The following GRID1 variants were observed in gnomAD, a reference collection of about 807,000 sequenced individuals.
GRID1 encodes glutamate ionotropic receptor delta type subunit 1.
In GRID1, 28 loss-of-function variants were observed where a neutral mutation model predicts 98.0. The observed-to-expected ratio is 0.29, with a 90% CI of 0.21 to 0.39. The LOEUF is 0.39. Ranked by LOEUF, GRID1 falls within the 10% of genes least tolerant of loss-of-function variation. The pLI, the probability that GRID1 is intolerant of heterozygous loss-of-function variation, is 1.00. For synonymous variants in GRID1, 553 were observed against 538.5 expected (o/e 1.03, Z -0.37); for missense variants, 1,111 against 1,340.5 (o/e 0.83, Z 2.67).
At chr10:86,185,441 T>G (rs1264003318) in intron 3 of GRID1, among the ~76,000 whole-genome samples, 1 of 152,138 alleles carries the variant, frequency 6.6e-6, no homozygotes, top group Non-Finnish European at 1.5e-5. Flanking sequence ...TTTTTTTCTT[T>G]CCAATCTGGG....
intron 3 of GRID1, among the ~76,000 whole-genome samples, chr10:86,142,307 C>T (rs576010359): frequency 9.2e-5 from 14 of 152,212 alleles, no homozygotes; most frequent in Non-Finnish European, 1.8e-4. Flanking sequence ...AGTGATAGAT[C>T]GAGGTCATTG....
intron 8 of GRID1, among the ~76,000 whole-genome samples, chr10:85,852,796 TG>T (rs1162116020): frequency 4.6e-5 from 7 of 152,056 alleles, no homozygotes; most frequent in Non-Finnish European, 1.0e-4. Flanking sequence ...CTCACAGCTT[TG>T]GGCATTCCTA....
At chr10:86,101,974 C>T (rs983503986) in intron 4 of GRID1, among the ~76,000 whole-genome samples, 2 of 152,124 alleles carry the variant, frequency 1.3e-5, no homozygotes, top group Admixed American at 6.5e-5. Flanking sequence ...TTCCAGTTTG[C>T]GGTTATTACA....
chr10:86,301,166 G>T (rs1185299543), intron 2 of GRID1, among the ~76,000 whole-genome samples: 3 of 152,134 alleles, frequency 2.0e-5, no homozygotes, highest in Non-Finnish European at 4.4e-5. Context: ...AGACAATGAG[G>T]CCGGCTCACC....
At chr10:85,852,417 C>T (rs145766402) in intron 8 of GRID1, among the ~76,000 whole-genome samples, 1,643 of 152,224 alleles carry the variant, frequency 0.011, 34 homozygotes, top group African/African-American at 0.036. Context: ...GGACATAGTG[C>T]CTCCCCCTCT....
At chr10:85,889,660 T>C (rs1037989696) in intron 5 of GRID1, among the ~76,000 whole-genome samples, 1 of 152,182 alleles carries the variant, frequency 6.6e-6, no homozygotes, top group Non-Finnish European at 1.5e-5. Flanking sequence ...TTCAGGTACT[T>C]TGGAGATGTT....
chr10:85,685,700 C>T (rs1841261559), intron 12 of GRID1, among the ~76,000 whole-genome samples: 1 of 152,038 alleles, frequency 6.6e-6, no homozygotes, highest in Non-Finnish European at 1.5e-5. Flanking sequence ...CAGAGATAGA[C>T]AGACCAAAGG....
At chr10:86,286,346 G>A (rs894717218) in intron 2 of GRID1, among the ~76,000 whole-genome samples, 2 of 152,102 alleles carry the variant, frequency 1.3e-5, no homozygotes, top group African/African-American at 2.4e-5. Flanking sequence ...CAGGAAGGAC[G>A]CCTGAGGGAG....
intron 8 of GRID1, among the ~76,000 whole-genome samples, chr10:85,752,495 G>A (rs1842057511): frequency 6.6e-6 from 1 of 152,178 alleles, no homozygotes; most frequent in South Asian, 2.1e-4. Context: ...ATTTTGACAA[G>A]TGGAGATACA....
intron 4 of GRID1, among the ~76,000 whole-genome samples, chr10:86,117,109 C>T (rs552411397): frequency 6.7e-6 from 1 of 148,496 alleles, no homozygotes; most frequent in South Asian, 2.1e-4. Context: ...ATTACCACCA[C>T]CACCATTACC....
chr10:86,349,162 C>T (rs1848429974), intron 2 of GRID1, among the ~76,000 whole-genome samples: 1 of 152,252 alleles, frequency 6.6e-6, no homozygotes, highest in African/African-American at 2.4e-5. Flanking sequence ...AGCTCCTCCC[C>T]TTCCCGGCCA....
Position 86,240,054 on chromosome 10 carries a change from G to A in GRID1, c.236-33406C>T, listed in dbSNP as rs931941168. On this transcript the variant is annotated intron_variant, in intron 2 of 15. Transcript: ENST00000327946. ...AGCCATCTACAATCTAAGGAGAGGG[G>A]CTCAGCAGAAACCAACCCTGCCAAC... Among the ~76,000 whole-genome samples the A allele has an allele frequency of 3.3e-5, 5 of 152,222 alleles. No homozygotes were observed. In the East Asian group the frequency reaches 9.6e-4, roughly 29 times the overall value.
At chr10:85,824,919 T>C (rs557268170) in intron 8 of GRID1, among the ~76,000 whole-genome samples, 27 of 152,346 alleles carry the variant, frequency 1.8e-4, no homozygotes, top group Admixed American at 1.3e-3. Flanking sequence ...ACACTATATA[T>C]ATACCACATT....
chr10:86,018,243 T>C (rs1589338475), intron 4 of GRID1, among the ~76,000 whole-genome samples: 2 of 152,338 alleles, frequency 1.3e-5, no homozygotes, highest in East Asian at 3.9e-4. Flanking sequence ...GATGAGCTCC[T>C]TCATGCCATG....
At position 86,206,025 on chromosome 10, in the gene GRID1, C is replaced by G. The variant is rs1846020357; in HGVS notation, c.520+339G>C. Among the ~76,000 whole-genome samples the G allele has an allele frequency of 6.6e-6, 1 of 152,202 alleles. No individual in the cohort carries two copies. Among genetic ancestry groups the G allele is most frequent in the Non-Finnish European group, 1.5e-5 (1 of 68,036 alleles). On this transcript the variant is annotated intron_variant, in intron 3 of 15. Transcript: ENST00000327946. This position sits in a 1 kb window ranked among gnomAD's most constrained non-coding sequence, Gnocchi z 4.1. ...GAAGGGCACTCTTTGGAGAGGAGAC[C>G]TCCAGGAGGAACCATGCTTTCCAGC...
At chr10:86,236,286 T>A (rs966644776) in intron 2 of GRID1, among the ~76,000 whole-genome samples, 4 of 152,258 alleles carry the variant, frequency 2.6e-5, no homozygotes, top group Admixed American at 2.0e-4. Context: ...TGGACAGAAA[T>A]TCATTATAAA....
intron 4 of GRID1, among the ~76,000 whole-genome samples, chr10:86,016,567 C>T (rs1842983703): frequency 6.6e-6 from 1 of 152,148 alleles, no homozygotes; most frequent in Admixed American, 6.5e-5. Context: ...ACTCCTATCC[C>T]CCAGCAGCCG....
At chr10:85,602,831 T>C (rs1842600451) in intron 15 of GRID1, 130 bp from the exon 16 acceptor site, 1 of 639,676 alleles carries the variant, frequency 1.6e-6, no homozygotes, top group African/African-American at 1.8e-5. Flanking sequence ...ATCCCTTTCA[T>C]GTGGCTCCCA....
At chr10:85,698,226 A>G (rs1841414843) in intron 12 of GRID1, among the ~76,000 whole-genome samples, 1 of 152,146 alleles carries the variant, frequency 6.6e-6, no homozygotes, top group Non-Finnish European at 1.5e-5. Context: ...CAATGTCACT[A>G]CCCACATATC....
Sources: allele counts gnomAD v4.1 joint callset (sites outside exome capture counted in the v4.1 genomes callset), GRCh38; gene constraint gnomAD v4.1.1; non-coding constraint Gnocchi (gnomAD v3.1); transcripts MANE v1.5; gene names NCBI Gene and HGNC (gene_info 2026-07-23, HGNC 2026-07-21).